The following PRKCA variants were observed in gnomAD, a reference collection of about 807,000 sequenced individuals.
The protein encoded by PRKCA is protein kinase C alpha.
PRKCA carries 27 observed loss-of-function variants against 87.0 expected under a neutral mutation model. The observed-to-expected ratio is 0.31, with a 90% confidence interval of 0.23 to 0.43. The LOEUF is 0.43. Among genes scored for constraint, PRKCA ranks in the 20% least tolerant of loss-of-function variants. The pLI is 1.00. For missense variants in PRKCA, 518 were observed against 852.3 expected, an observed-to-expected ratio of 0.61 and a Z score of 4.88; for synonymous variants, 329 against 311.1, an observed-to-expected ratio of 1.06 and a Z score of -0.61.
Position 66,327,466 on chromosome 17 carries a change from G to A in PRKCA, c.205+21339G>A, listed in dbSNP as rs572593397. Reference sequence around the variant, plus strand: ...CACGAGAATCACTGGAACCCGGGAGGTGGAGGTTGCAGTGAGCCGAGATCG... The same window carrying A: ...CACGAGAATCACTGGAACCCGGGAGATGGAGGTTGCAGTGAGCCGAGATCG... On this transcript the variant is annotated intron_variant, in intron 2 of 16. Coordinates refer to ENST00000413366, the MANE Select transcript of PRKCA (RefSeq NM_002737.3). Among the ~76,000 whole-genome samples, 3 of 152,086 alleles carry A rather than the reference G, an allele frequency of 2.0e-5. No individual in the cohort carries two copies. In the South Asian group the frequency reaches 6.3e-4, roughly 32 times the overall value.
chr17:66,757,308 G>A (rs760336351), intron 13 of PRKCA, among the ~76,000 whole-genome samples: 8 of 151,968 alleles, frequency 5.3e-5, no homozygotes, highest in South Asian at 2.1e-4. Flanking sequence ...GGAAGGAGAC[G>A]TAAGAGAGAA....
At chr17:66,359,832 C>G in intron 2 of PRKCA, among the ~76,000 whole-genome samples, 1 of 152,162 alleles carries the variant, frequency 6.6e-6, no homozygotes, top group East Asian at 1.9e-4. Context: ...CACAAAAGCT[C>G]AAAGTACCTT....
At chr17:66,306,466 CTT>C (rs1904822906) in intron 2 of PRKCA, 1 of 234,010 alleles carries the variant, frequency 4.3e-6, no homozygotes, top group African/African-American at 2.3e-5. Context: ...TGTTCTTCCT[CTT>C]TGTTTTTATT....
chr17:66,708,114 A>G (rs1266645081), intron 8 of PRKCA, among the ~76,000 whole-genome samples: 1 of 152,180 alleles, frequency 6.6e-6, no homozygotes, highest in African/African-American at 2.4e-5. Flanking sequence ...CATGATGTAC[A>G]CATGATGGTG....
At chr17:66,548,661 C>A (rs1598758838) in intron 3 of PRKCA, among the ~76,000 whole-genome samples, 1 of 152,150 alleles carries the variant, frequency 6.6e-6, no homozygotes, top group South Asian at 2.1e-4. Flanking sequence ...GTGACCCTAT[C>A]CTGGACTATC....
chr17:66,329,826 A>G (rs1906216410), intron 2 of PRKCA, among the ~76,000 whole-genome samples: 1 of 151,974 alleles, frequency 6.6e-6, no homozygotes, highest in Non-Finnish European at 1.5e-5. Context: ...AGTCAAACAC[A>G]CCCCGTCATT....
intron 3 of PRKCA, among the ~76,000 whole-genome samples, chr17:66,498,785 T>C (rs1916595423): frequency 6.6e-6 from 1 of 152,186 alleles, no homozygotes; most frequent in Admixed American, 6.5e-5. Flanking sequence ...TGTGCACACA[T>C]GCATGCTGGG....
chr17:66,668,792 C>T (rs986603807), intron 5 of PRKCA, among the ~76,000 whole-genome samples: 1 of 152,102 alleles, frequency 6.6e-6, no homozygotes, highest in African/African-American at 2.4e-5. Flanking sequence ...TTTGAGAAAA[C>T]TCCATACACA....
At chr17:66,461,899 G>A (rs529048360) in intron 2 of PRKCA, among the ~76,000 whole-genome samples, 1 of 151,814 alleles carries the variant, frequency 6.6e-6, no homozygotes, top group Non-Finnish European at 1.5e-5. Flanking sequence ...CCTAACTACC[G>A]AGGAGGAGAC....
At chr17:66,389,298 C>T (rs893913893) in intron 2 of PRKCA, among the ~76,000 whole-genome samples, 2 of 152,180 alleles carry the variant, frequency 1.3e-5, no homozygotes, top group Non-Finnish European at 2.9e-5. Context: ...AGGAGCACGA[C>T]TCACTTGGGC....
At chr17:66,716,241 G>T (rs1973469954) in intron 8 of PRKCA, among the ~76,000 whole-genome samples, 1 of 152,036 alleles carries the variant, frequency 6.6e-6, no homozygotes, top group African/African-American at 2.4e-5. Flanking sequence ...ATGTTTCTGA[G>T]TTCATGTGAT....
chr17:66,658,409 C>G (rs1232979908), intron 5 of PRKCA, among the ~76,000 whole-genome samples: 1 of 152,130 alleles, frequency 6.6e-6, no homozygotes. Context: ...ATTGCTTGAA[C>G]CCAGGAGGCA....
intron 2 of PRKCA, among the ~76,000 whole-genome samples, chr17:66,327,460 C>T (rs187616651): frequency 2.6e-5 from 4 of 151,956 alleles, no homozygotes; most frequent in Non-Finnish European, 5.9e-5. Flanking sequence ...CACTGGAACC[C>T]GGGAGGTGGA....
intron 3 of PRKCA, among the ~76,000 whole-genome samples, chr17:66,514,097 C>T (rs1408820001): frequency 6.6e-6 from 1 of 152,106 alleles, no homozygotes; most frequent in African/African-American, 2.4e-5. Context: ...TTCTATTTTA[C>T]AATTAGTTAT....
intron 4 of PRKCA, among the ~76,000 whole-genome samples, chr17:66,644,480 T>G (rs1971398750): frequency 2.0e-5 from 3 of 152,138 alleles, no homozygotes; most frequent in Non-Finnish European, 4.4e-5. Context: ...TCTGTTTGTT[T>G]CCGGCACACA....
chr17:66,406,978 G>C (rs1165154053), intron 2 of PRKCA, among the ~76,000 whole-genome samples: 2 of 152,072 alleles, frequency 1.3e-5, no homozygotes, highest in African/African-American at 4.8e-5. Flanking sequence ...CTTCTAAAGA[G>C]GTCTTTCCCG....
At chr17:66,800,589 T>A (rs1025956106) in intron 16 of PRKCA, among the ~76,000 whole-genome samples, 4 of 152,226 alleles carry the variant, frequency 2.6e-5, no homozygotes, top group Non-Finnish European at 5.9e-5. Flanking sequence ...AATCTCCTTT[T>A]AGTTTGCTTT....
chr17:66,319,832 A>G (rs918973054), intron 2 of PRKCA, among the ~76,000 whole-genome samples: 16 of 151,910 alleles, frequency 1.1e-4, no homozygotes, highest in African/African-American at 3.6e-4. Flanking sequence ...ACCTCCGCCT[A>G]CTGGGTTCAA....
At chr17:66,802,659 C>T (rs536416459) in intron 16 of PRKCA, among the ~76,000 whole-genome samples, 4 of 152,334 alleles carry the variant, frequency 2.6e-5, no homozygotes, top group Admixed American at 6.5e-5. Flanking sequence ...CCTCTCGCCT[C>T]GGCTGGGTTC....
Sources: gnomAD v4.1 joint callset for allele counts (sites outside exome capture counted in the v4.1 genomes callset) on GRCh38, gnomAD v4.1.1 for gene constraint, MANE v1.5 for transcripts, NCBI Gene and HGNC (gene_info 2026-07-23, HGNC 2026-07-21) for gene names.